KIF5C: variants seen among roughly 807,000 people sequenced by gnomAD.
KIF5C encodes the protein kinesin heavy chain isoform 5C.
Under a neutral mutation model 125.2 loss-of-function variants are expected in KIF5C, and 18 were observed. The observed-to-expected ratio is 0.14, with a 90% CI of 0.10 to 0.21. The LOEUF (loss-of-function observed/expected upper bound fraction) is 0.21, where lower values mean the gene tolerates loss of function less well. KIF5C is among the 10% of genes least tolerant of loss of function. KIF5C has a pLI of 1.00. For synonymous variants in KIF5C, 405 were observed against 434.0 expected, an observed-to-expected ratio of 0.93 and a Z score of 0.83; for missense variants, 780 against 1,183.8, an observed-to-expected ratio of 0.66 and a Z score of 5.01.
intron 1 of KIF5C, among the ~76,000 whole-genome samples, chr2:148,886,968 G>A (rs1681545819): frequency 6.6e-6 from 1 of 152,168 alleles, no homozygotes; most frequent in African/African-American, 2.4e-5. Context: ...AAAAGAGTTT[G>A]AAAGGGGGAA....
intron 4 of KIF5C, among the ~76,000 whole-genome samples, chr2:148,941,204 C>A (rs924980085): frequency 1.3e-5 from 2 of 152,180 alleles, no homozygotes; most frequent in Non-Finnish European, 2.9e-5. Context: ...CCTCTCCTGG[C>A]TTCTTGCATG....
In KIF5C at chr2:148,937,373, G is replaced by A; in HGVS notation, c.381G>A (p.Leu127=). The A allele has an allele frequency of 6.3e-7, 1 of 1,593,450 alleles. No individual in the cohort carries two copies. The highest frequency in any genetic ancestry group is 8.6e-7 in the Non-Finnish European group (1 of 1,168,940). Residue 127 remains leucine, a synonymous_variant, in exon 4 of 26, where the codon CTG becomes CTA. Coordinates refer to ENST00000435030, the MANE Select transcript of KIF5C (RefSeq NM_004522.3). ...ATATCTACTCCATGGATGAGAACCT[G>A]GAGTTTCACATAAAGGTACGTATTA... is the stretch of plus-strand genomic sequence containing the variant. ...FDHIYSMDEN[L]EFHIKVSYFE...
intron 16 of KIF5C, 44 bp from the exon 17 acceptor site, chr2:148,994,377 G>T: frequency 6.5e-7 from 1 of 1,540,634 alleles, no homozygotes; most frequent in South Asian, 1.2e-5. Flanking sequence ...CAGCCTGGAT[G>T]ACCACTTGCT....
intron 1 of KIF5C, among the ~76,000 whole-genome samples, chr2:148,921,555 G>C (rs977615700): frequency 2.6e-5 from 4 of 152,126 alleles, no homozygotes; most frequent in African/African-American, 9.7e-5. Flanking sequence ...GCCCTTTGCT[G>C]TCTGCTGGGC....
At chr2:148,945,616 C>G (rs1682503656) in intron 7 of KIF5C, among the ~76,000 whole-genome samples, 1 of 152,146 alleles carries the variant, frequency 6.6e-6, no homozygotes, top group Admixed American at 6.5e-5. Context: ...TGAGTAAGTT[C>G]TTTAGTGCTA....
intron 10 of KIF5C, 79 bp from the exon 11 acceptor site, chr2:148,961,892 A>T: frequency 2.0e-6 from 3 of 1,517,306 alleles, no homozygotes; most frequent in Non-Finnish European, 2.6e-6. Context: ...TTTTGACATG[A>T]GGAATCTTGG....
chr2:148,981,543 C>A lies in KIF5C; in HGVS notation c.1551C>A (p.Asp517Glu). ...CCCGGGCCAATGAGCAGCTGACAGA[C>A]GAGCTGGCCCAGAAAACGGTTGGAG... ...DKTRANEQLTDELAQKTTTLT... is the reference protein window; with the variant it reads ...DKTRANEQLTEELAQKTTTLT... The change falls in exon 14 of 26, where the codon GAC (aspartate) becomes GAA (glutamate). Residue 517 changes from aspartate to glutamate, a missense_variant. Physicochemically the swap from Asp to Glu is conservative, Grantham distance 45 (BLOSUM62 2). Coordinates refer to ENST00000435030, the MANE Select transcript of KIF5C (RefSeq NM_004522.3). 6.3e-7 allele frequency: 1 copy of A among 1,599,376 alleles called. No individual in the cohort carries two copies. Among genetic ancestry groups the A allele is most frequent in the South Asian group, 1.1e-5 (1 of 88,432 alleles).
At chr2:148,919,857 C>T (rs1313322647) in intron 1 of KIF5C, among the ~76,000 whole-genome samples, 3 of 152,182 alleles carry the variant, frequency 2.0e-5, no homozygotes, top group African/African-American at 7.2e-5. Flanking sequence ...CAAGATAGGT[C>T]TCATAACAAA....
At position 148,875,705 on chromosome 2, in the gene KIF5C, A is replaced by G. The variant is rs201371161; in HGVS notation, c.88A>G (p.Ile30Val). ...EAEILRGDKF[I>V]PKFKGDETVV... ...GGAGATCCTCCGCGGGGACAAATTC[A>G]TCCCCAAATTTAAAGGCGATGAGAC... The change falls in exon 1 of 26, where the codon ATC (isoleucine) becomes GTC (valine). Residue 30 changes from isoleucine to valine, a missense_variant. Physicochemically the swap from Ile to Val is conservative, Grantham distance 29. This residue lies in a region of KIF5C where 207 missense variants were observed against 441.2 expected (regional missense o/e 0.47). Transcript: ENST00000435030. The G allele has an allele frequency of 6.2e-5, 100 of 1,601,586 alleles. No homozygotes were observed. Among genetic ancestry groups the G allele is most frequent in the Non-Finnish European group, 6.0e-6 (7 of 1,174,628 alleles).
chr2:148,983,248 C>G (rs1681285525), intron 14 of KIF5C, among the ~76,000 whole-genome samples: 1 of 152,130 alleles, frequency 6.6e-6, no homozygotes, highest in African/African-American at 2.4e-5. Flanking sequence ...GGTGGGGACC[C>G]TTGCAGGTAA....
intron 3 of KIF5C, among the ~76,000 whole-genome samples, chr2:148,933,459 A>T (rs1309639752): frequency 6.6e-6 from 1 of 151,460 alleles, no homozygotes; most frequent in Admixed American, 6.6e-5. Flanking sequence ...CCCCCCCCAC[A>T]TACATCGTAA....
At chr2:148,881,973 T>C (rs76008958) in intron 1 of KIF5C, among the ~76,000 whole-genome samples, 3,458 of 152,238 alleles carry the variant, frequency 0.023, 134 homozygotes, top group African/African-American at 0.079. Context: ...CCTTACTTTC[T>C]TCCAGGTTTT....
In KIF5C at chr2:148,875,575, G is replaced by GCCCCCCCCCCCCCCCCC; in HGVS notation, c.-37_-36insCCCCCCCCCCCCCCCCC. The GCCCCCCCCCCCCCCCCC allele has an allele frequency of 1.4e-6, 1 of 699,604 alleles. No individual in the cohort carries two copies. The highest frequency in any genetic ancestry group is 2.6e-6 in the Non-Finnish European group (1 of 389,230). 43.3% of individuals were successfully genotyped at this position (699,604 alleles called of 1,614,324 possible). On this transcript the variant is annotated 5_prime_UTR_variant, in exon 1 of 26. Coordinates refer to ENST00000435030, the MANE Select transcript of KIF5C (RefSeq NM_004522.3). ...TCCTCCCTCGTCGTTCCCGGCCCCG[G>GCCCCCCCCCCCCCCCCC]CCCCCCACCCATCCCCGTGCCCCCT...
intron 16 of KIF5C, among the ~76,000 whole-genome samples, chr2:148,992,791 G>C (rs1681561206): frequency 6.6e-6 from 1 of 152,170 alleles, no homozygotes; most frequent in Non-Finnish European, 1.5e-5. Flanking sequence ...TGATTATATA[G>C]TTGTTATTTA....
At chr2:149,006,782 G>A (rs1682022546) in intron 22 of KIF5C, among the ~76,000 whole-genome samples, 1 of 152,226 alleles carries the variant, frequency 6.6e-6, no homozygotes, top group Non-Finnish European at 1.5e-5. Flanking sequence ...GGCCCTGGCA[G>A]GAGAGTGAAG....
At chr2:148,947,226 A>G in intron 8 of KIF5C, 1 of 729,932 alleles carries the variant, frequency 1.4e-6, no homozygotes, top group Non-Finnish European at 2.1e-6. Flanking sequence ...TGTCACAGGC[A>G]GGTGCTTTGC....
At chr2:149,003,072 C>T (rs1292642977) in intron 21 of KIF5C, among the ~76,000 whole-genome samples, 1 of 152,076 alleles carries the variant, frequency 6.6e-6, no homozygotes, top group East Asian at 1.9e-4. Flanking sequence ...CCCACATTCT[C>T]TCCCTCACTC....
intron 12 of KIF5C, among the ~76,000 whole-genome samples, chr2:148,974,023 A>G (rs976345413): frequency 1.3e-5 from 2 of 152,178 alleles, no homozygotes; most frequent in Non-Finnish European, 2.9e-5. Flanking sequence ...TTTCACGGGT[A>G]TATTCTTGAA....
At chr2:148,921,715 G>A (rs549329412) in intron 1 of KIF5C, among the ~76,000 whole-genome samples, 8 of 152,140 alleles carry the variant, frequency 5.3e-5, no homozygotes, top group Admixed American at 2.0e-4. Flanking sequence ...GGCATTTTGC[G>A]TTTTCCTATG....
Sources: gnomAD v4.1 joint callset for allele counts (sites outside exome capture counted in the v4.1 genomes callset) on GRCh38, gnomAD v4.1.1 for gene constraint, gnomAD v4.1.1 regional missense constraint, MANE v1.5 for transcripts, NCBI Gene and HGNC (gene_info 2026-07-23, HGNC 2026-07-21) for gene names.